EVI5: variants seen among roughly 807,000 people sequenced by gnomAD.
EVI5 encodes ecotropic viral integration site 5 protein homolog.
A neutral mutation model predicts 112.0 loss-of-function variants in EVI5; 73 were observed. The observed-to-expected ratio is 0.65, with a 90% CI of 0.54 to 0.79. The LOEUF is 0.79. EVI5 is among the 30% of genes least tolerant of loss of function. The pLI, the probability that EVI5 is intolerant of heterozygous loss-of-function variation, is 0.00. For synonymous variants in EVI5, 305 were observed against 319.9 expected (o/e 0.95, Z 0.50); for missense variants, 900 against 968.8 (o/e 0.93, Z 0.94).
At chr1:92,527,089 T>G (rs1204657408) in intron 19 of EVI5, among the ~76,000 whole-genome samples, 1 of 152,046 alleles carries the variant, frequency 6.6e-6, no homozygotes, top group Non-Finnish European at 1.5e-5. Context: ...GCAAAACCGC[T>G]TGAGAAAAGT....
chr1:92,786,919 C>CT (rs1685683313), upstream of EVI5, among the ~76,000 whole-genome samples: 1 of 152,160 alleles, frequency 6.6e-6, no homozygotes, highest in South Asian at 2.1e-4. Flanking sequence ...CTCAACAGAG[C>CT]TTTTACTCAT....
intron 19 of EVI5, among the ~76,000 whole-genome samples, chr1:92,561,152 A>C (rs1179501468): frequency 6.6e-6 from 1 of 152,162 alleles, no homozygotes; most frequent in Non-Finnish European, 1.5e-5. Flanking sequence ...ACTTACAGGA[A>C]AGAGATATTT....
intron 16 of EVI5, among the ~76,000 whole-genome samples, chr1:92,614,163 G>A (rs1232018104): frequency 6.6e-6 from 1 of 152,040 alleles, no homozygotes; most frequent in Non-Finnish European, 1.5e-5. Context: ...ACCCATCTCT[G>A]GACTATATTA....
At chr1:92,690,114 GCAATCCT>G (rs1213322276) in intron 9 of EVI5, among the ~76,000 whole-genome samples, 1 of 152,136 alleles carries the variant, frequency 6.6e-6, no homozygotes, top group Non-Finnish European at 1.5e-5. Flanking sequence ...CCAGGCTCAA[GCAATCCT>G]CTTGCCTGGG....
intron 1 of EVI5, among the ~76,000 whole-genome samples, chr1:92,769,406 A>C (rs933981501): frequency 1.3e-5 from 2 of 152,194 alleles, no homozygotes; most frequent in South Asian, 4.1e-4. Flanking sequence ...AATTTATTTT[A>C]CTTAAAGTAC....
intron 18 of EVI5, among the ~76,000 whole-genome samples, chr1:92,593,259 G>T (rs1674308329): frequency 6.6e-6 from 1 of 152,156 alleles, no homozygotes; most frequent in Admixed American, 6.5e-5. Flanking sequence ...TGCAAGGCTG[G>T]TTCAACATAG....
rs539742935 is a variant in EVI5 at position 92,691,039 on chromosome 1, T to A, written c.1097+2763A>T. ...TCCTTCAGGTTGGATATTCTCGGTA[T>A]AACTGACTTGGTCTCTTCAACAAGC... is the stretch of plus-strand genomic sequence containing the variant. On this transcript the variant is annotated intron_variant, in intron 9 of 19. Coordinates refer to ENST00000684568, the MANE Select transcript of EVI5 (RefSeq NM_001350197.2). Among the ~76,000 whole-genome samples the A allele has an allele frequency of 5.7e-4, 87 of 152,364 alleles. 1 individual carries two copies. The South Asian group carries it at 0.018, about 31-fold the overall frequency.
intron 19 of EVI5, among the ~76,000 whole-genome samples, chr1:92,522,594 G>A (rs1661129215): frequency 8.7e-6 from 1 of 114,640 alleles, no homozygotes; most frequent in East Asian, 3.1e-4. Flanking sequence ...TCACGCCACA[G>A]CACTCCAGCC....
intron 16 of EVI5, among the ~76,000 whole-genome samples, chr1:92,615,528 C>T (rs1652923775): frequency 6.6e-6 from 1 of 152,162 alleles, no homozygotes; most frequent in Non-Finnish European, 1.5e-5. Flanking sequence ...CCTGATGAAG[C>T]TGGGGACATA....
chr1:92,546,690 T>C (rs11164773), intron 19 of EVI5, among the ~76,000 whole-genome samples: 129,517 of 152,036 alleles, frequency 0.85, 55,546 homozygotes, highest in East Asian at 0.97. Context: ...AGCAAGACTC[T>C]ATCTCAAAAA....
intron 19 of EVI5, among the ~76,000 whole-genome samples, chr1:92,527,145 T>G (rs1312762293): frequency 6.6e-6 from 1 of 152,034 alleles, no homozygotes; most frequent in African/African-American, 2.4e-5. Flanking sequence ...CCAGGTGCGG[T>G]GGCTCATGCT....
intron 18 of EVI5, among the ~76,000 whole-genome samples, chr1:92,567,158 G>A (rs868289216): frequency 1.3e-5 from 2 of 151,876 alleles, no homozygotes; most frequent in Admixed American, 6.6e-5. Context: ...TAAAAAAACA[G>A]CTTATAGAAT....
chr1:92,675,895 G>C (rs1158911357), intron 10 of EVI5, among the ~76,000 whole-genome samples: 1 of 150,548 alleles, frequency 6.6e-6, no homozygotes, highest in Non-Finnish European at 1.5e-5. Context: ...GGCGGAGCTT[G>C]CAGTGAGCCA....
intron 18 of EVI5, among the ~76,000 whole-genome samples, chr1:92,604,314 C>T (rs1046747101): frequency 4.0e-5 from 6 of 151,132 alleles, no homozygotes; most frequent in Non-Finnish European, 5.9e-5. Flanking sequence ...ATGACTGTGC[C>T]ACTAAACTCC....
At chr1:92,778,713 A>C (rs1487615049) in intron 1 of EVI5, among the ~76,000 whole-genome samples, 1 of 152,242 alleles carries the variant, frequency 6.6e-6, no homozygotes, top group Non-Finnish European at 1.5e-5. Context: ...GCAGCTTTAA[A>C]AAATACTGGT....
At chr1:92,716,976 A>C (rs781576243) in intron 2 of EVI5, among the ~76,000 whole-genome samples, 33 of 152,104 alleles carry the variant, frequency 2.2e-4, no homozygotes, top group Non-Finnish European at 4.1e-4. Context: ...CAGTAATAAC[A>C]AACTTCTCCG....
At chr1:92,771,810 T>C (rs557437166) in intron 1 of EVI5, among the ~76,000 whole-genome samples, 1 of 151,904 alleles carries the variant, frequency 6.6e-6, no homozygotes, top group Non-Finnish European at 1.5e-5. Context: ...CTTTACTGTG[T>C]GTTTTACCTA....
At chr1:92,749,123 G>T in intron 1 of EVI5, 1 of 168,428 alleles carries the variant, frequency 5.9e-6, no homozygotes, top group South Asian at 1.6e-4. Context: ...ATTCTTAATA[G>T]CCAAATAGAT....
intron 1 of EVI5, chr1:92,784,312 G>A: frequency 8.1e-6 from 8 of 985,398 alleles, no homozygotes; most frequent in Non-Finnish European, 8.4e-6. Context: ...ATTCAGGAAT[G>A]GCTACAAACT....
Sources: gnomAD v4.1 joint callset for allele counts (sites outside exome capture counted in the v4.1 genomes callset) on GRCh38, gnomAD v4.1.1 for gene constraint, MANE v1.5 for transcripts, NCBI Gene and HGNC (gene_info 2026-07-23, HGNC 2026-07-21) for gene names.